Variants in KLHL7 observed in about 807,000 individuals in gnomAD.
The protein encoded by KLHL7 is kelch like family member 7, also known as kelch-like protein 7.
A neutral mutation model predicts 67.4 loss-of-function variants in KLHL7; 44 were observed. The ratio of observed to expected loss-of-function variants is 0.65; its 90% CI spans 0.51 to 0.84. The LOEUF (loss-of-function observed/expected upper bound fraction) is 0.84, where lower values mean the gene tolerates loss of function less well. Ranked by LOEUF, KLHL7 falls within the 40% of genes least tolerant of loss-of-function variation. The pLI is 0.00. For synonymous variants in KLHL7, 252 were observed against 243.3 expected (o/e 1.04, Z -0.33); for missense variants, 362 against 718.1 (o/e 0.50, Z 5.67).
chr7:23,127,949 C>G (rs1240537616), intron 4 of KLHL7, among the ~76,000 whole-genome samples: 1 of 151,468 alleles, frequency 6.6e-6, no homozygotes, highest in Non-Finnish European at 1.5e-5. Flanking sequence ...TCCTGTAAGG[C>G]AAATTTAATG....
At chr7:23,150,284 C>CCAGGGTAAG (rs1784490035) in intron 6 of KLHL7, among the ~76,000 whole-genome samples, 1 of 152,176 alleles carries the variant, frequency 6.6e-6, no homozygotes, top group African/African-American at 2.4e-5. Context: ...CCTACTCTCT[C>CCAGGGTAAG]ATTCTCTTAC....
At chr7:23,137,329 A>G (rs1228467435) in intron 4 of KLHL7, among the ~76,000 whole-genome samples, 2 of 152,136 alleles carry the variant, frequency 1.3e-5, no homozygotes, top group African/African-American at 4.8e-5. Flanking sequence ...TAAAACTAAT[A>G]GACTATAGAC....
At chr7:23,124,971 A>T (rs773372464) in intron 3 of KLHL7, 77 bp from the exon 4 acceptor site, 1 of 1,354,046 alleles carries the variant, frequency 7.4e-7, no homozygotes, top group African/African-American at 1.4e-5. Flanking sequence ...TTCAGGGGCT[A>T]TTAGGATACA....
At position 23,124,616 on chromosome 7, in the gene KLHL7, T is replaced by C; in HGVS notation, c.224-72T>C. 9 of 894,912 alleles carry C rather than the reference T, an allele frequency of 1.0e-5. No individual in the cohort carries two copies. The South Asian group carries it at 1.1e-4, about 10-fold the overall frequency. The allele number at this position is 894,912 out of a possible 1,614,324, so 55.4% of individuals were successfully genotyped here. A position where few individuals can be genotyped will look rare whatever the true frequency, so the allele number is the denominator to read the frequency against. ...ATTTTTCTGCATATTTAACATGGCC[T>C]GGAATGCCGTGGTTCCTCAGTCAAA... On this transcript the variant is annotated intron_variant, in intron 2 of 10. Transcript: ENST00000339077.
At position 23,163,705 on chromosome 7, in the gene KLHL7, A is replaced by C. The variant is rs745564244; in HGVS notation, c.937-1993A>C. Reference sequence around the variant, plus strand: ...GAAAGGCTGACTAGGACCAAGGAAAATAGGACTTTATACATGGATGTGTCC... The same window carrying C: ...GAAAGGCTGACTAGGACCAAGGAAACTAGGACTTTATACATGGATGTGTCC... On this transcript the variant is annotated intron_variant, in intron 7 of 10. Transcript: ENST00000339077. 3.6e-4 allele frequency among the ~76,000 whole-genome samples: 55 copies of C among 152,344 alleles called. 1 individual carries two copies. The Middle Eastern group carries it at 0.01, about 28-fold the overall frequency.
rs192035675 is a variant in KLHL7, at chr7:23,149,760, C to T, written c.794-2307C>T. 6.6e-5 allele frequency among the ~76,000 whole-genome samples: 10 copies of T among 152,306 alleles called. No individual in the cohort carries two copies. In the East Asian group the frequency reaches 1.7e-3, roughly 26 times the overall value. On this transcript the variant is annotated intron_variant, in intron 6 of 10. Transcript: ENST00000339077. ...TGTGGCCTGCAAAGTCTATCTGTCC[C>T]TTTACAGAAAAAGTTTTCAGACCCC...
At chr7:23,116,086 G>A (rs1783077102) in intron 1 of KLHL7, among the ~76,000 whole-genome samples, 1 of 152,244 alleles carries the variant, frequency 6.6e-6, no homozygotes, top group African/African-American at 2.4e-5. Flanking sequence ...GTAGCCAGCA[G>A]TTCTGCAGAG....
chr7:23,107,681 T>C (rs1429901938), intron 1 of KLHL7, among the ~76,000 whole-genome samples: 1 of 152,128 alleles, frequency 6.6e-6, no homozygotes, highest in Non-Finnish European at 1.5e-5. Context: ...TACTGAAAAA[T>C]CAGGGTTCTG....
chr7:23,147,491 T>C (rs1784396087), intron 6 of KLHL7, among the ~76,000 whole-genome samples: 1 of 152,266 alleles, frequency 6.6e-6, no homozygotes, highest in African/African-American at 2.4e-5. Context: ...TGTTTGGTAA[T>C]GTCAGTATCT....
chr7:23,124,428 TC>T (rs1783486622), intron 2 of KLHL7, among the ~76,000 whole-genome samples: 2 of 152,002 alleles, frequency 1.3e-5, no homozygotes, highest in African/African-American at 4.8e-5. Context: ...AAAAACAAAA[TC>T]TAGTTTTATG....
chr7:23,123,505 TTC>T (rs1783437242), intron 1 of KLHL7, among the ~76,000 whole-genome samples: 1 of 151,326 alleles, frequency 6.6e-6, no homozygotes, highest in Admixed American at 6.6e-5. Flanking sequence ...AAAAAAAGAC[TTC>T]TCTGAAGGGT....
chr7:23,163,427 C>G (rs1392236114), intron 7 of KLHL7, among the ~76,000 whole-genome samples: 1 of 152,194 alleles, frequency 6.6e-6, no homozygotes, highest in African/African-American at 2.4e-5. Context: ...CTGCCTCTGC[C>G]TCCCAAAATG....
At chr7:23,128,962 A>T (rs1783690882) in intron 4 of KLHL7, among the ~76,000 whole-genome samples, 3 of 152,222 alleles carry the variant, frequency 2.0e-5, no homozygotes, top group Non-Finnish European at 4.4e-5. Context: ...GCATGGATAT[A>T]CCAAAATGTG....
At chr7:23,109,315 T>G (rs1326189428) in intron 1 of KLHL7, among the ~76,000 whole-genome samples, 3 of 152,230 alleles carry the variant, frequency 2.0e-5, no homozygotes, top group African/African-American at 7.2e-5. Flanking sequence ...AGATTAATGT[T>G]ATTACCTGAT....
At chr7:23,172,917 A>T in intron 9 of KLHL7, 31 bp from the exon 10 acceptor site, 3 of 1,500,846 alleles carry the variant, frequency 2.0e-6, no homozygotes, top group Non-Finnish European at 1.9e-6. Context: ...CTTCCTGTAA[A>T]CAAGCACACT....
At chr7:23,169,275 T>TA (rs112937096) in intron 9 of KLHL7, among the ~76,000 whole-genome samples, 11,967 of 151,882 alleles carry the variant, frequency 0.079, 790 homozygotes, top group African/African-American at 0.17. Flanking sequence ...AAATAAAAAA[T>TA]AAAAAAATAA....
intron 8 of KLHL7, 121 bp from the exon 9 acceptor site, chr7:23,167,715 T>A (rs893293179): frequency 3.8e-6 from 3 of 785,472 alleles, no homozygotes; most frequent in Non-Finnish European, 4.3e-6. Context: ...GTTGATTGAG[T>A]ATGAAAATGG....
intron 4 of KLHL7, among the ~76,000 whole-genome samples, chr7:23,133,575 A>T (rs1025618818): frequency 1.3e-5 from 2 of 151,734 alleles, no homozygotes; most frequent in Non-Finnish European, 2.9e-5. Context: ...GGGACTACAG[A>T]TACATGCCAC....
At position 23,176,478 on chromosome 7, in the gene KLHL7, C is replaced by G. The variant is rs916016733; in HGVS notation, c.*2180C>G. On this transcript the variant is annotated 3_prime_UTR_variant, in exon 11 of 11. Transcript: ENST00000339077. ...CTTTGGGAGGTGGAGGCAGTAGGATCACTTGAGGCTAGGAGTTCAAGACCC... is the reference window on the plus strand; with the variant it reads ...CTTTGGGAGGTGGAGGCAGTAGGATGACTTGAGGCTAGGAGTTCAAGACCC... The G allele has an allele frequency of 1.3e-5, 2 of 152,204 alleles. No homozygotes were observed. Among genetic ancestry groups the G allele is most frequent in the African/African-American group, 4.8e-5 (2 of 41,388 alleles). The allele number at this position is 152,204 out of a possible 1,614,324, so 9.4% of individuals were successfully genotyped here. A position where few individuals can be genotyped will look rare whatever the true frequency, so the allele number is the denominator to read the frequency against.
Sources: gnomAD v4.1 joint callset for allele counts (sites outside exome capture counted in the v4.1 genomes callset) on GRCh38, gnomAD v4.1.1 for gene constraint, MANE v1.5 for transcripts, NCBI Gene and HGNC (gene_info 2026-07-23, HGNC 2026-07-21) for gene names.